PTPN2: variants seen among roughly 807,000 people sequenced by gnomAD.
PTPN2 encodes protein tyrosine phosphatase non-receptor type 2.
Under a neutral mutation model 57.3 loss-of-function variants are expected in PTPN2, and 19 were observed. The ratio of observed to expected loss-of-function variants is 0.33; its 90% CI spans 0.23 to 0.49. The LOEUF is 0.49. Ranked by LOEUF, PTPN2 falls within the 20% of genes least tolerant of loss-of-function variation. The probability of loss-of-function intolerance (pLI) is 0.99; values close to 1 mark genes in which losing one functional copy is unlikely to be tolerated. For missense variants in PTPN2, 358 were observed against 501.1 expected (o/e 0.71, Z 2.73); for synonymous variants, 153 against 164.9 (o/e 0.93, Z 0.55).
intron 1 of PTPN2, among the ~76,000 whole-genome samples, chr18:12,874,682 T>TG (rs1224831681): frequency 9.6e-5 from 12 of 124,868 alleles, no homozygotes; most frequent in South Asian, 2.6e-4. Flanking sequence ...GGGAGGGAGG[T>TG]GGGGGGGTCA....
At chr18:12,865,372 C>A (rs923735527) in intron 1 of PTPN2, among the ~76,000 whole-genome samples, 1 of 151,428 alleles carries the variant, frequency 6.6e-6, no homozygotes, top group Non-Finnish European at 1.5e-5. Context: ...GAGGTCAAAG[C>A]TGCAGTAAGC....
chr18:12,873,541 C>T (rs1215804231), intron 1 of PTPN2, among the ~76,000 whole-genome samples: 1 of 152,224 alleles, frequency 6.6e-6, no homozygotes, highest in East Asian at 1.9e-4. Context: ...CCGCCAGCCT[C>T]GGCCTCCGGA....
chr18:12,808,065 C>A (rs1454133500), intron 7 of PTPN2, among the ~76,000 whole-genome samples: 14 of 151,828 alleles, frequency 9.2e-5, no homozygotes. Flanking sequence ...CGCCTGCAGT[C>A]CCAATTACTT....
chr18:12,859,286 CT>C lies in PTPN2; in HGVS notation c.70-33del, dbSNP rs746600195. On this transcript the variant is annotated intron_variant, in intron 1 of 8. Transcript: ENST00000309660. ...ATAACAAAAATATATTTTAATATCCCTCTTAAATTCTCCACAGCAAAACTTA... is the reference window on the plus strand; with the variant it reads ...ATAACAAAAATATATTTTAATATCCCCTTAAATTCTCCACAGCAAAACTTA... 1.2e-5 allele frequency: 17 copies of C among 1,417,588 alleles called. 1 individual carries two copies. In the East Asian group the frequency reaches 3.9e-4, roughly 33 times the overall value. The allele number at this position is 1,417,588 out of a possible 1,614,324, so 87.8% of individuals were successfully genotyped here. A position where few individuals can be genotyped will look rare whatever the true frequency, so the allele number is the denominator to read the frequency against.
intron 4 of PTPN2, among the ~76,000 whole-genome samples, chr18:12,830,419 C>A (rs1219419052): frequency 6.6e-6 from 1 of 152,166 alleles, no homozygotes; most frequent in Non-Finnish European, 1.5e-5. Flanking sequence ...AGGTTTGAGG[C>A]ACCGTGCCTG....
intron 3 of PTPN2, 115 bp downstream of exon 3, chr18:12,836,676 C>G (rs1254334443): frequency 4.6e-6 from 3 of 651,780 alleles, no homozygotes; most frequent in Non-Finnish European, 5.2e-6. Context: ...CAGAAAAAAA[C>G]TGAAATACCA....
At chr18:12,827,787 C>T (rs182248798) in intron 4 of PTPN2, among the ~76,000 whole-genome samples, 21 of 151,890 alleles carry the variant, frequency 1.4e-4, no homozygotes, top group African/African-American at 3.1e-4. Context: ...ATCCAACATA[C>T]GTATAATAGG....
intron 5 of PTPN2, among the ~76,000 whole-genome samples, chr18:12,817,669 G>A (rs1394412827): frequency 6.6e-6 from 1 of 152,128 alleles, no homozygotes; most frequent in Non-Finnish European, 1.5e-5. Context: ...TTCCTGATGA[G>A]GAAACTGAAA....
rs139547954 is a variant in PTPN2 at position 12,820,950 on chromosome 18, G to C, written c.496-3585C>G. ...GCCAGGAAAATAACCTGTGAGTTGA[G>C]CAAGTGTAACAACAGGAATTGTTAG... On this transcript the variant is annotated intron_variant, in intron 5 of 8. Transcript: ENST00000309660. Among the ~76,000 whole-genome samples the C allele has an allele frequency of 5.3e-3, 806 of 152,318 alleles. 5 individuals are homozygous for C. The highest frequency in any genetic ancestry group is 0.019 in the African/African-American group (772 of 41,566).
Position 12,860,271 on chromosome 18 carries a change from AGAGT to A in PTPN2, c.70-1021_70-1018del, listed in dbSNP as rs754073974. ...GCCATTGCACTCCAGTCTGGGCGACAGAGTGAGACTCTATAAAAAAAAACCCCAA... is the reference window on the plus strand; with the variant it reads ...GCCATTGCACTCCAGTCTGGGCGACAGAGACTCTATAAAAAAAAACCCCAA... On this transcript the variant is annotated intron_variant, in intron 1 of 8. Coordinates refer to ENST00000309660, the MANE Select transcript of PTPN2 (RefSeq NM_002828.4). 5.3e-5 allele frequency among the ~76,000 whole-genome samples: 8 copies of A among 151,532 alleles called. No individual in the cohort carries two copies. In the South Asian group the frequency reaches 1.7e-3, roughly 32 times the overall value.
chr18:12,834,326 C>CAAAAAA (rs11368721), intron 3 of PTPN2, among the ~76,000 whole-genome samples: 1 of 133,206 alleles, frequency 7.5e-6, no homozygotes, highest in African/African-American at 2.8e-5. Context: ...GACTCCATCT[C>CAAAAAA]AAAAAAAAAA....
intron 1 of PTPN2, among the ~76,000 whole-genome samples, chr18:12,870,462 T>TATATAG (rs1555679714): frequency 5.6e-5 from 1 of 17,708 alleles, no homozygotes; most frequent in Admixed American, 1.2e-3. Context: ...TATATATATA[T>TATATAG]AGAGAGAGAG....
intron 1 of PTPN2, among the ~76,000 whole-genome samples, chr18:12,864,787 T>C (rs1431624567): frequency 1.3e-5 from 2 of 152,238 alleles, no homozygotes; most frequent in African/African-American, 2.4e-5. Flanking sequence ...CTCTTGAAAT[T>C]TGCTTTGAGA....
At position 12,794,358 on chromosome 18, in the gene PTPN2, T is replaced by C. The variant is rs767151704; in HGVS notation, c.1168A>G (p.Thr390Ala). Residue 390 changes from threonine (T) to alanine (A), a missense_variant, in exon 9 of 9, where the codon ACT becomes GCT. Thr to Ala is a moderately conservative substitution (Grantham distance 58). Around this residue, in one of 4 missense-constraint regions of PTPN2, gnomAD observed 96 missense variants for 110.8 expected, o/e 0.87. Transcript: ENST00000309660. ...ATGACTGACATAAACCCCATCTTAG[T>C]GAGAATAGGTTGCCAATATAACCAC... ...KRWLYWQPIL[T>A]KMGFMSVILV... The C allele has an allele frequency of 3.1e-6, 5 of 1,614,240 alleles. No individual in the cohort carries two copies. The South Asian group carries it at 4.4e-5, about 14-fold the overall frequency.
Position 12,792,301 on chromosome 18 carries a change from T to TTTTG in PTPN2, c.*1976_*1977insCAAA. The stretch of plus-strand genomic sequence containing the variant: ...TTCAAACTTTTTTTTTTTTTTTTTT[T>TTTTG]GAGACGAAGTCTTGCTCTGTTGCCA... On this transcript the variant is annotated 3_prime_UTR_variant, in exon 9 of 9. Transcript: ENST00000309660. 1 of 694,892 alleles carries TTTTG rather than the reference T, an allele frequency of 1.4e-6. No homozygotes were observed. Among genetic ancestry groups the TTTTG allele is most frequent in the East Asian group, 1.3e-4 (1 of 7,420 alleles). 43.0% of individuals were successfully genotyped at this position (694,892 alleles called of 1,614,324 possible). A position where few individuals can be genotyped will look rare whatever the true frequency, so the allele number is the denominator to read the frequency against.
At chr18:12,800,569 T>A (rs571919407) in intron 8 of PTPN2, among the ~76,000 whole-genome samples, 1 of 152,264 alleles carries the variant, frequency 6.6e-6, no homozygotes, top group South Asian at 2.1e-4. Context: ...TCTTCCACTA[T>A]AATATATAAT....
intron 1 of PTPN2, among the ~76,000 whole-genome samples, chr18:12,868,359 A>C (rs1194371525): frequency 6.6e-6 from 1 of 152,006 alleles, no homozygotes; most frequent in Non-Finnish European, 1.5e-5. Context: ...GTTCAAGTGA[A>C]TTCTCCTGCC....
chr18:12,867,153 A>G (rs2044023392), intron 1 of PTPN2, among the ~76,000 whole-genome samples: 1 of 151,906 alleles, frequency 6.6e-6, no homozygotes, highest in Admixed American at 6.6e-5. Flanking sequence ...AAAAATAAAC[A>G]CATAATAAAT....
At chr18:12,873,629 G>A (rs1276437157) in intron 1 of PTPN2, among the ~76,000 whole-genome samples, 1 of 152,162 alleles carries the variant, frequency 6.6e-6, no homozygotes, top group Non-Finnish European at 1.5e-5. Flanking sequence ...GCGTGATCTC[G>A]GCTCGCTACA....
Sources: allele counts gnomAD v4.1 joint callset (sites outside exome capture counted in the v4.1 genomes callset), GRCh38; gene constraint gnomAD v4.1.1; regional missense constraint gnomAD v4.1.1; transcripts MANE v1.5; gene names NCBI Gene and HGNC (gene_info 2026-07-23, HGNC 2026-07-21).